The following HMCN1 variants were observed in gnomAD, a reference collection of about 807,000 sequenced individuals.
HMCN1 encodes hemicentin-1.
In HMCN1, 321 loss-of-function variants were observed where a neutral mutation model predicts 625.9. That is an observed-to-expected ratio of 0.51 (90% confidence interval 0.47 to 0.56). The LOEUF is 0.56. Among genes scored for constraint, HMCN1 ranks in the 20% least tolerant of loss-of-function variants. The pLI is 0.00. For synonymous variants in HMCN1, 2,425 were observed against 2,417.6 expected (o/e 1.00, Z -0.09); for missense variants, 6,588 against 6,887.3 (o/e 0.96, Z 1.54).
intron 30 of HMCN1, among the ~76,000 whole-genome samples, chr1:186,014,871 G>A (rs1168654012): frequency 6.6e-6 from 1 of 151,932 alleles, no homozygotes; most frequent in Non-Finnish European, 1.5e-5. Context: ...GTTTTGCTTT[G>A]TTGGTTAAAC....
rs758716527 is a variant in HMCN1 at position 186,189,678 on chromosome 1, C to A, written c.16708C>A (p.Leu5570Ile). 5.0e-6 allele frequency: 8 copies of A among 1,612,348 alleles called. No homozygotes were observed. Among genetic ancestry groups the A allele is most frequent in the African/African-American group, 1.3e-5 (1 of 74,860 alleles). Residue 5570 changes from leucine to isoleucine, a missense_variant, in exon 107 of 107, where the codon CTC becomes ATC. Physicochemically the swap from Leu to Ile is conservative, Grantham distance 5. Around this residue, in one of 3 missense-constraint regions of HMCN1, gnomAD observed 1,954 missense variants for 2,013.1 expected, o/e 0.97. Transcript: ENST00000271588. ...DGVMHPRTTF[L>I]MVDEEQTVPF... ...AGTGATGCATCCCAGGACAACTTTC[C>A]TCATGGTAGATGAGGAACAGACTGT...
At position 186,144,577 on chromosome 1, in the gene HMCN1, G is replaced by A. The variant is rs770936849; in HGVS notation, c.14140G>A (p.Val4714Met). Residue 4714 changes from valine to methionine, a missense_variant, in exon 91 of 107, where the codon GTG becomes ATG. This residue lies in a region of HMCN1 where 1,954 missense variants were observed against 2,013.1 expected (regional missense o/e 0.97). Transcript: ENST00000271588. ...TTGGGCCAGTTGGAGTGCCTGTTCT[G>A]TGTCATGTGGAGGAGGTGCCAGACA... is the stretch of plus-strand genomic sequence containing the variant. ...ATWASWSACS[V>M]SCGGGARQRT... 86 of 1,613,946 alleles carry A rather than the reference G, an allele frequency of 5.3e-5. No individual in the cohort carries two copies. The highest frequency in any genetic ancestry group is 1.2e-4 in the Admixed American group (7 of 59,992).
At chr1:185,769,892 C>T (rs1345492743) in intron 1 of HMCN1, among the ~76,000 whole-genome samples, 1 of 152,080 alleles carries the variant, frequency 6.6e-6, no homozygotes, top group East Asian at 1.9e-4. Flanking sequence ...TCTAAGAGAG[C>T]AAGGGAAGTG....
intron 36 of HMCN1, among the ~76,000 whole-genome samples, chr1:186,025,858 T>A (rs377686618): frequency 2.6e-5 from 4 of 152,224 alleles, no homozygotes; most frequent in African/African-American, 9.6e-5. Flanking sequence ...TAAAACTATC[T>A]TCCTGATACA....
At chr1:185,820,166 T>C (rs941758114) in intron 1 of HMCN1, among the ~76,000 whole-genome samples, 16 of 152,302 alleles carry the variant, frequency 1.1e-4, no homozygotes, top group South Asian at 1.0e-3. Flanking sequence ...TAAAATGATA[T>C]ATGCCCAGTA....
Position 186,152,826 on chromosome 1 carries a change from T to A in HMCN1, c.14973T>A (p.Ser4991Arg), listed in dbSNP as rs748905670. ...DGSLLLDIVVSGYVLQLQSPA... is the reference protein window; with the variant it reads ...DGSLLLDIVVRGYVLQLQSPA... Reference sequence around the variant, plus strand: ...CTTTGCTGCTAGATATCGTTGTGAGTGGCTATGTCCTACAGCTTCAGTCAC... The same window carrying A: ...CTTTGCTGCTAGATATCGTTGTGAGAGGCTATGTCCTACAGCTTCAGTCAC... The change falls in exon 96 of 107, where the codon AGT becomes AGA. Residue 4991 changes from serine (S) to arginine (R), a missense_variant. Ser to Arg is a moderately radical substitution (Grantham distance 110). Coordinates refer to ENST00000271588, the MANE Select transcript of HMCN1 (RefSeq NM_031935.3). The A allele has an allele frequency of 3.1e-6, 5 of 1,613,886 alleles. No homozygotes were observed. In the African/African-American group the frequency reaches 6.7e-5, roughly 22 times the overall value.
intron 72 of HMCN1, among the ~76,000 whole-genome samples, chr1:186,113,395 C>T (rs918854955): frequency 3.9e-5 from 6 of 152,164 alleles, no homozygotes; most frequent in Non-Finnish European, 7.4e-5. Context: ...ATAATATAGA[C>T]TTTTCCTCAA....
chr1:185,768,322 T>C (rs1020084801), intron 1 of HMCN1, among the ~76,000 whole-genome samples: 2 of 152,156 alleles, frequency 1.3e-5, no homozygotes, highest in African/African-American at 2.4e-5. Flanking sequence ...ATTTCAGTCA[T>C]AGATTAGATG....
At chr1:186,086,181 A>G (rs1659462590) in intron 57 of HMCN1, 65 bp from the exon 58 acceptor site, 1 of 1,423,262 alleles carries the variant, frequency 7.0e-7, no homozygotes, top group Admixed American at 1.7e-5. Flanking sequence ...TTGGATTTAT[A>G]TTTAGTAAAT....
At chr1:186,068,135 G>T (rs1451067464) in intron 50 of HMCN1, 128 bp downstream of exon 50, 1 of 918,236 alleles carries the variant, frequency 1.1e-6, no homozygotes, top group Non-Finnish European at 1.8e-6. Flanking sequence ...TGTGCAGCCT[G>T]GTTCCTAATA....
chr1:186,131,059 T>C (rs576338584), intron 85 of HMCN1, among the ~76,000 whole-genome samples: 1 of 152,292 alleles, frequency 6.6e-6, no homozygotes, highest in East Asian at 1.9e-4. Flanking sequence ...TTTTCCAAAG[T>C]TCAGTAATTC....
At chr1:186,053,743 A>G (rs2102281051) in intron 43 of HMCN1, 82 bp from the exon 44 acceptor site, 5 of 1,421,912 alleles carry the variant, frequency 3.5e-6, no homozygotes, top group Non-Finnish European at 5.0e-6. Context: ...CTTGAACTGA[A>G]TAAACAAATG....
chr1:186,121,762 A>G (rs532004508), intron 80 of HMCN1, among the ~76,000 whole-genome samples: 1 of 152,192 alleles, frequency 6.6e-6, no homozygotes, highest in Non-Finnish European at 1.5e-5. Flanking sequence ...CGTTAAACCC[A>G]CAAGACTGGA....
intron 46 of HMCN1, 35 bp downstream of exon 46, chr1:186,057,436 A>G (rs1346593359): frequency 2.1e-6 from 3 of 1,401,180 alleles, no homozygotes; most frequent in Non-Finnish European, 2.0e-6. Flanking sequence ...TAATCTTGTT[A>G]GCTTCATACG....
chr1:185,737,130 G>A (rs1432844966), intron 1 of HMCN1, among the ~76,000 whole-genome samples: 3 of 151,084 alleles, frequency 2.0e-5, no homozygotes, highest in Non-Finnish European at 4.4e-5. Flanking sequence ...AGAGTTTTTG[G>A]CCTCTTTGTA....
chr1:185,755,877 C>T (rs1655102990), intron 1 of HMCN1, among the ~76,000 whole-genome samples: 1 of 152,132 alleles, frequency 6.6e-6, no homozygotes, highest in African/African-American at 2.4e-5. Context: ...CCTTAGAAAG[C>T]ATGGGCTCTT....
At chr1:186,113,918 T>G in intron 72 of HMCN1, 61 bp from the exon 73 acceptor site, 3 of 1,559,682 alleles carry the variant, frequency 1.9e-6, no homozygotes, top group Non-Finnish European at 1.8e-6. Flanking sequence ...ATCTTCAGGG[T>G]CTTCATGCAG....
intron 36 of HMCN1, among the ~76,000 whole-genome samples, chr1:186,026,841 C>T (rs1054263877): frequency 5.9e-5 from 9 of 151,904 alleles, no homozygotes; most frequent in African/African-American, 1.2e-4. Context: ...CACCATGTTG[C>T]CCAGGCTGGT....
intron 38 of HMCN1, 43 bp downstream of exon 38, chr1:186,039,048 A>C (rs759384814): frequency 1.6e-6 from 2 of 1,271,172 alleles, no homozygotes; most frequent in South Asian, 2.4e-5. Context: ...GTAAAGAAGC[A>C]TTCAAAATGA....
Sources: allele counts gnomAD v4.1 joint callset (sites outside exome capture counted in the v4.1 genomes callset), GRCh38; gene constraint gnomAD v4.1.1; regional missense constraint gnomAD v4.1.1; transcripts MANE v1.5; gene names NCBI Gene and HGNC (gene_info 2026-07-23, HGNC 2026-07-21).